Variants in FHL1 observed in about 807,000 individuals in gnomAD.
FHL1 encodes four and a half LIM domains 1, also known as four and a half LIM domains protein 1.
In FHL1, 1 loss-of-function variant was observed where a neutral mutation model predicts 20.3. That is an observed-to-expected ratio of 0.05 (90% CI 0.02 to 0.23). The LOEUF is 0.23. FHL1 is among the 10% of genes least tolerant of loss of function. FHL1 has a pLI of 1.00. For synonymous variants in FHL1, 82 were observed against 88.9 expected, an observed-to-expected ratio of 0.92 and a Z score of 0.44; for missense variants, 177 against 234.0, an observed-to-expected ratio of 0.76 and a Z score of 1.59.
chrX:136,208,371 C>T (rs1200861257), intron 4 of FHL1, 84 bp from the exon 5 acceptor site: 15 of 1,007,505 alleles, frequency 1.5e-5, no homozygotes, highest in African/African-American at 3.7e-5. Flanking sequence ...TATACCAAAG[C>T]GCCCAGCACA....
At chrX:136,208,832 A>G (rs1424433303) in intron 5 of FHL1, among the ~76,000 whole-genome samples, 191 bp downstream of exon 5, 1 of 108,734 alleles carries the variant, frequency 9.2e-6, no homozygotes, top group African/African-American at 3.4e-5. Context: ...TGCAATACAG[A>G]ACACTTCCTG....
At position 136,162,051 on chromosome X, in the gene FHL1, A is replaced by T. The variant is rs776450156; in HGVS notation, c.-100-7856A>T. 1.2e-4 allele frequency among the ~76,000 whole-genome samples: 12 copies of T among 100,546 alleles called. No individual in the cohort carries two copies. The South Asian group carries it at 5.8e-3, about 48-fold the overall frequency. 87.3% of individuals were successfully genotyped at this position (100,546 alleles called of 115,157 possible). A position where few individuals can be genotyped will look rare whatever the true frequency, so the allele number is the denominator to read the frequency against. On this transcript the variant is annotated intron_variant, in intron 1 of 7. Transcript: ENST00000394155. ...GGCAGGAGGATCACTTGAACCTGGG[A>T]TATGGAGGTGGCAGTGAGATGAGAT...
intron 1 of FHL1, among the ~76,000 whole-genome samples, chrX:136,159,482 C>T (rs769105910): frequency 2.7e-5 from 3 of 111,762 alleles, no homozygotes; most frequent in South Asian, 3.8e-4. Flanking sequence ...GCAGAGGTTG[C>T]GGTGAACCGA....
At chrX:136,205,724 C>T (rs925252247) in intron 1 of FHL1, among the ~76,000 whole-genome samples, 1 of 111,819 alleles carries the variant, frequency 8.9e-6, no homozygotes, top group Non-Finnish European at 1.9e-5. Flanking sequence ...TGGTGTGGTA[C>T]AGAATGAGCT....
chrX:136,210,951 A>AGTT lies in FHL1; in HGVS notation c.*928_*930dup, dbSNP rs1316616796. The AGTT allele has an allele frequency of 2.6e-6, 1 of 379,318 alleles. No homozygotes were observed. Among genetic ancestry groups the AGTT allele is most frequent in the Non-Finnish European group, 5.0e-6 (1 of 201,401 alleles). 31.3% of individuals were successfully genotyped at this position (379,318 alleles called of 1,213,427 possible). On this transcript the variant is annotated 3_prime_UTR_variant, in exon 6 of 6. Transcript: ENST00000370683. ...AGTAACCGCAAAACTCTAGAGGGGG[A>AGTT]GTTGAGCAGGCGCCAGGGCTGTCAT... is the stretch of plus-strand genomic sequence containing the variant.
intron 2 of FHL1, among the ~76,000 whole-genome samples, chrX:136,178,450 G>A (rs1420942297): frequency 1.8e-5 from 2 of 111,428 alleles, no homozygotes; most frequent in South Asian, 3.8e-4. Flanking sequence ...CAGTTCTTAG[G>A]CTGGGTGCAG....
intron 1 of FHL1, among the ~76,000 whole-genome samples, chrX:136,149,763 G>T (rs1025658828): frequency 9.0e-6 from 1 of 111,005 alleles, no homozygotes; most frequent in African/African-American, 3.3e-5. Flanking sequence ...TAAATGAATC[G>T]ACCGCTAAAA....
chrX:136,172,775 C>T (rs1054441980), intron 2 of FHL1, among the ~76,000 whole-genome samples: 5 of 112,434 alleles, frequency 4.4e-5, no homozygotes, highest in East Asian at 2.8e-4. Context: ...CTCTGTCGCC[C>T]AGGCTGGAGT....
At chrX:136,196,417 G>A (rs780518454), upstream of FHL1, among the ~76,000 whole-genome samples, 1 of 111,626 alleles carries the variant, frequency 9.0e-6, no homozygotes, top group South Asian at 3.8e-4. Flanking sequence ...GAGTTTGTGA[G>A]ACAAAATGTC....
intron 1 of FHL1, among the ~76,000 whole-genome samples, chrX:136,198,937 A>G (rs765316932): frequency 9.0e-6 from 1 of 111,364 alleles, no homozygotes; most frequent in Admixed American, 9.6e-5. Context: ...GGGATGGAAA[A>G]TGAGAGGGTA....
chrX:136,147,246 C>G (rs1350840343), upstream of FHL1, among the ~76,000 whole-genome samples: 1 of 108,060 alleles, frequency 9.3e-6, no homozygotes, highest in Non-Finnish European at 1.9e-5. Context: ...ACCCTCTCCG[C>G]GTGCCCGGCC....
In FHL1 at chrX:136,205,286, G is replaced by A. The variant is rs768666711; in HGVS notation, c.23-1121G>A. 1.5e-4 allele frequency among the ~76,000 whole-genome samples: 17 copies of A among 111,635 alleles called. No individual in the cohort carries two copies. In the East Asian group the frequency reaches 4.8e-3, roughly 31 times the overall value. Reference sequence around the variant, plus strand: ...AGGCGTGTTGTCTAGGGCCACAGCCGGGGAGGGGACCAGGGAGGGAAGAGG... The same window carrying A: ...AGGCGTGTTGTCTAGGGCCACAGCCAGGGAGGGGACCAGGGAGGGAAGAGG... On this transcript the variant is annotated intron_variant, in intron 1 of 5. Transcript: ENST00000370683.
intron 1 of FHL1, among the ~76,000 whole-genome samples, chrX:136,152,941 T>G (rs766291511): frequency 3.5e-4 from 39 of 111,471 alleles, no homozygotes; most frequent in African/African-American, 1.3e-3. Context: ...AAGCTGTGCT[T>G]TGATAACCAT....
At chrX:136,177,013 T>TACACACACACACAC (rs10527786) in intron 2 of FHL1, among the ~76,000 whole-genome samples, 11,310 of 88,395 alleles carry the variant, frequency 0.13, 661 homozygotes, top group Non-Finnish European at 0.14. Context: ...CATGTAGAAA[T>TACACACACACACAC]ACACACACAC....
At chrX:136,150,647 C>T (rs1323741920) in intron 1 of FHL1, among the ~76,000 whole-genome samples, 1 of 112,032 alleles carries the variant, frequency 8.9e-6, no homozygotes, top group Non-Finnish European at 1.9e-5. Flanking sequence ...CTTAATTAAG[C>T]AGAATATATG....
At chrX:136,147,495 T>G (rs747998079), upstream of FHL1, 1 of 82,244 alleles carries the variant, frequency 1.2e-5, no homozygotes, top group Non-Finnish European at 2.4e-5. Context: ...CTCGCGCCCC[T>G]CCCGCGCCCT....
At position 136,208,450 on chromosome X, in the gene FHL1, T is replaced by G; in HGVS notation, c.550-5T>G. On this transcript the variant is annotated splice_polypyrimidine_tract_variant and splice_region_variant and intron_variant, in intron 4 of 5. Transcript: ENST00000370683. ...CTGAATCCGGTGCTACACTCCCTGG[T>G]CTAGGCCATCACATCTGGAGGAATC... is the stretch of plus-strand genomic sequence containing the variant. The G allele has an allele frequency of 8.3e-7, 1 of 1,211,743 alleles. No individual in the cohort carries two copies. The highest frequency in any genetic ancestry group is 1.1e-6 in the Non-Finnish European group (1 of 895,306).
intron 2 of FHL1, among the ~76,000 whole-genome samples, chrX:136,181,231 C>T (rs529833811): frequency 4.5e-5 from 5 of 112,312 alleles, no homozygotes; most frequent in African/African-American, 1.6e-4. Context: ...GCTGAAGTTA[C>T]GTTTTGGTTT....
At chrX:136,177,317 A>G (rs1279375755) in intron 2 of FHL1, among the ~76,000 whole-genome samples, 1 of 111,754 alleles carries the variant, frequency 8.9e-6, no homozygotes, top group Admixed American at 9.5e-5. Context: ...TTTGACCAGG[A>G]TTCTCATGGA....
Sources: gnomAD v4.1 joint callset for allele counts (sites outside exome capture counted in the v4.1 genomes callset) on GRCh38, gnomAD v4.1.1 for gene constraint, MANE v1.5 for transcripts, NCBI Gene and HGNC (gene_info 2026-07-23, HGNC 2026-07-21) for gene names.